MLIP: variants seen among roughly 807,000 people sequenced by gnomAD.
MLIP encodes the protein muscular LMNA interacting protein, also known as muscular LMNA-interacting protein.
Under a neutral mutation model 84.8 loss-of-function variants are expected in MLIP, and 79 were observed. That is an observed-to-expected ratio of 0.93 (90% confidence interval 0.78 to 1.12). MLIP has a LOEUF of 1.12. Ranked by LOEUF, MLIP falls within the 50% of genes most tolerant of loss-of-function variation. The pLI is 0.00. For synonymous variants in MLIP, 504 were observed against 463.0 expected (o/e 1.09, Z -1.14); for missense variants, 1,257 against 1,160.6 (o/e 1.08, Z -1.21).
At chr6:54,187,477 G>C (rs1342081693) in intron 9 of MLIP, among the ~76,000 whole-genome samples, 4 of 152,060 alleles carry the variant, frequency 2.6e-5, no homozygotes, top group Admixed American at 2.0e-4. Flanking sequence ...ACGTGTTATA[G>C]ATATTATAAG....
intron 5 of MLIP, among the ~76,000 whole-genome samples, chr6:54,157,084 A>C (rs906941590): frequency 3.3e-5 from 5 of 152,112 alleles, no homozygotes; most frequent in Non-Finnish European, 7.4e-5. Flanking sequence ...CAAAGAACTG[A>C]AGCAGTTCTT....
chr6:54,243,893 A>ATG (rs1781904192), intron 12 of MLIP, among the ~76,000 whole-genome samples: 1 of 152,196 alleles, frequency 6.6e-6, no homozygotes, highest in Admixed American at 6.5e-5. Flanking sequence ...GCAAAGTGAC[A>ATG]TACCCAAGGC....
chr6:54,246,024 A>G (rs374099778), intron 12 of MLIP, among the ~76,000 whole-genome samples: 23 of 152,304 alleles, frequency 1.5e-4, no homozygotes, highest in African/African-American at 5.5e-4. Flanking sequence ...TAATGAAAGC[A>G]CAACTCAGAC....
intron 12 of MLIP, among the ~76,000 whole-genome samples, chr6:54,242,534 T>A (rs181702063): frequency 2.6e-4 from 40 of 152,216 alleles, no homozygotes; most frequent in African/African-American, 7.7e-4. Flanking sequence ...TTGCCAGAGG[T>A]TTCTTCTGAT....
At chr6:54,063,756 G>A (rs1766112197) in intron 1 of MLIP, among the ~76,000 whole-genome samples, 2 of 149,926 alleles carry the variant, frequency 1.3e-5, no homozygotes, top group Non-Finnish European at 1.5e-5. Context: ...GTGTGTGTGT[G>A]GTGCCTTTCT....
chr6:54,226,661 CAAACA>C (rs1433581461), intron 11 of MLIP, among the ~76,000 whole-genome samples: 3 of 147,580 alleles, frequency 2.0e-5, no homozygotes, highest in Admixed American at 6.7e-5. Flanking sequence ...AACAAACAAA[CAAACA>C]AAACAGAGGA....
chr6:54,046,290 T>C (rs1765047681), intron 1 of MLIP: 1 of 151,706 alleles, frequency 6.6e-6, no homozygotes, highest in African/African-American at 2.4e-5. Flanking sequence ...TTTTGGACTG[T>C]TATTTCTAAT....
chr6:54,256,547 G>C (rs1183825835), intron 12 of MLIP, among the ~76,000 whole-genome samples: 2 of 152,108 alleles, frequency 1.3e-5, no homozygotes, highest in Non-Finnish European at 2.9e-5. Flanking sequence ...ACCAAAAAAG[G>C]GTAAACAGAT....
At chr6:54,243,320 G>A (rs1461123236) in intron 12 of MLIP, among the ~76,000 whole-genome samples, 1 of 152,090 alleles carries the variant, frequency 6.6e-6, no homozygotes, top group Non-Finnish European at 1.5e-5. Flanking sequence ...AAGGAACAGA[G>A]CAAACTTGAG....
At chr6:54,115,526 G>T (rs1307522852) in intron 1 of MLIP, among the ~76,000 whole-genome samples, 1 of 152,166 alleles carries the variant, frequency 6.6e-6, no homozygotes, top group Non-Finnish European at 1.5e-5. Flanking sequence ...ATTGGGCAAG[G>T]CTAGGGATGT....
At chr6:54,068,050 TCCTTCC>T (rs1766298604) in intron 1 of MLIP, among the ~76,000 whole-genome samples, 1 of 60,494 alleles carries the variant, frequency 1.7e-5, no homozygotes, top group African/African-American at 3.6e-5. Flanking sequence ...TTTCCTTCCT[TCCTTCC>T]TTCCTTCCTT....
intron 1 of MLIP, chr6:54,028,807 A>ATGCCTT (rs1162746550): frequency 2.0e-5 from 3 of 152,162 alleles, no homozygotes; most frequent in African/African-American, 7.2e-5. Context: ...CTTTACAGTC[A>ATGCCTT]TGCCTTTGCC....
In MLIP at chr6:54,222,369, AT is replaced by A. The variant is rs902888258; in HGVS notation, c.2719-8341del. Among the ~76,000 whole-genome samples, 73 of 151,918 alleles carry A rather than the reference AT, an allele frequency of 4.8e-4. 2 individuals are homozygous for A. Among genetic ancestry groups the A allele is most frequent in the African/African-American group, 1.7e-3 (72 of 41,484 alleles). On this transcript the variant is annotated intron_variant, in intron 11 of 13. Transcript: ENST00000502396. ...TGTACCTTTTGATTAACAGTGACCC[AT>A]TTTCCCCTCCCCTCTGCCCCTGGTA...
In MLIP at chr6:54,137,542, T is replaced by A. The variant is rs1253722215; in HGVS notation, c.1473T>A (p.Phe491Leu). ...TTTCTGAATTGACCCAGCAATCTTT[T>A]CACCTGCCTGTTTTCACCAAGTCTA... ...LQVSELTQQS[F>L]HLPVFTKSTP... The change falls in exon 4 of 14, where the codon TTT becomes TTA. Residue 491 changes from phenylalanine to leucine, a missense_variant. Physicochemically the swap from Phe to Leu is conservative, Grantham distance 22 (BLOSUM62 0). Transcript: ENST00000502396. 2.0e-6 allele frequency: 3 copies of A among 1,536,118 alleles called. No homozygotes were observed. The South Asian group carries it at 3.6e-5, about 18-fold the overall frequency.
chr6:54,231,456 AGT>A (rs202203662), intron 12 of MLIP, among the ~76,000 whole-genome samples: 1,434 of 126,994 alleles, frequency 0.011, 27 homozygotes, highest in African/African-American at 0.033. Flanking sequence ...TCGTACCTGA[AGT>A]GTGTGTGTGC....
chr6:54,189,765 C>T, intron 9 of MLIP, 105 bp from the exon 10 acceptor site: 2 of 794,820 alleles, frequency 2.5e-6, no homozygotes, highest in African/African-American at 3.5e-5. Context: ...TTTCAAAATC[C>T]TATCATGGAC....
At chr6:54,263,655 T>C (rs1374086618) in intron 13 of MLIP, among the ~76,000 whole-genome samples, 1 of 152,108 alleles carries the variant, frequency 6.6e-6, no homozygotes, top group East Asian at 1.9e-4. Context: ...AAAAATGCTT[T>C]CTGTAACATT....
intron 2 of MLIP, among the ~76,000 whole-genome samples, chr6:54,123,384 T>A (rs1214671040): frequency 1.3e-5 from 2 of 152,156 alleles, no homozygotes; most frequent in African/African-American, 4.8e-5. Context: ...AAAATCCATA[T>A]AGTGATAAAT....
intron 4 of MLIP, among the ~76,000 whole-genome samples, chr6:54,141,433 A>G (rs1772296018): frequency 6.6e-6 from 1 of 151,614 alleles, no homozygotes; most frequent in Admixed American, 6.6e-5. Flanking sequence ...CAGCCTCCCA[A>G]GTAGCTGGGA....
Sources: allele counts gnomAD v4.1 joint callset (sites outside exome capture counted in the v4.1 genomes callset), GRCh38; gene constraint gnomAD v4.1.1; transcripts MANE v1.5; gene names NCBI Gene and HGNC (gene_info 2026-07-23, HGNC 2026-07-21).